The following HEPHL1 variants were observed in gnomAD, a reference collection of about 807,000 sequenced individuals.
HEPHL1 encodes hephaestin like 1.
In HEPHL1, 123 loss-of-function variants were observed where a neutral mutation model predicts 122.0. The ratio of observed to expected loss-of-function variants is 1.01; its 90% CI spans 0.87 to 1.17. HEPHL1 has a LOEUF of 1.17. Among genes scored for constraint, HEPHL1 ranks in the 50% most tolerant of loss-of-function variants. The pLI is 0.00. For missense variants in HEPHL1, 1,452 were observed against 1,430.5 expected (o/e 1.01, Z -0.24); for synonymous variants, 527 against 508.9 (o/e 1.04, Z -0.48).
intron 1 of HEPHL1, among the ~76,000 whole-genome samples, chr11:94,032,420 AC>A (rs1176562949): frequency 6.6e-6 from 1 of 152,160 alleles, no homozygotes; most frequent in African/African-American, 2.4e-5. Context: ...AGTGATAATC[AC>A]TTTTTAGCTT....
At chr11:94,032,516 A>T (rs187104048) in intron 1 of HEPHL1, among the ~76,000 whole-genome samples, 350 of 152,256 alleles carry the variant, frequency 2.3e-3, no homozygotes, top group Non-Finnish European at 3.9e-3. Context: ...AAATTAGAAA[A>T]TGTCAAGGTG....
chr11:94,069,172 C>T (rs16919902), intron 5 of HEPHL1, among the ~76,000 whole-genome samples: 11,300 of 152,130 alleles, frequency 0.074, 1,067 homozygotes, highest in African/African-American at 0.21. Context: ...TAAATTAGCC[C>T]GATAGTTGTG....
intron 1 of HEPHL1, among the ~76,000 whole-genome samples, chr11:94,036,981 C>G (rs1020026210): frequency 2.4e-4 from 36 of 152,292 alleles, no homozygotes; most frequent in African/African-American, 8.2e-4. Flanking sequence ...CTAGGGAGTG[C>G]CAGACAGTGG....
chr11:94,102,492 C>A (rs1946375541), intron 14 of HEPHL1, among the ~76,000 whole-genome samples: 1 of 152,176 alleles, frequency 6.6e-6, no homozygotes, highest in Admixed American at 6.5e-5. Flanking sequence ...ATTTCACTGT[C>A]TGGGGTGAGG....
rs11271749 is a variant in HEPHL1 at position 94,042,883 on chromosome 11, A to AAAAAACAAAC, written c.171-2785_171-2784insCAAACAAAAA. Among the ~76,000 whole-genome samples, 1,037 of 132,410 alleles carry AAAAAACAAAC rather than the reference A, an allele frequency of 7.8e-3. 28 individuals carry two copies. Among genetic ancestry groups the AAAAAACAAAC allele is most frequent in the African/African-American group, 0.028 (987 of 35,500 alleles). 86.9% of individuals were successfully genotyped at this position (132,410 alleles called of 152,430 possible). A position where few individuals can be genotyped will look rare whatever the true frequency, so the allele number is the denominator to read the frequency against. On this transcript the variant is annotated intron_variant, in intron 1 of 19. Transcript: ENST00000315765. ...TAAAACTTAAAGTATAATAAAAAAA[A>AAAAAACAAAC]AAAAAAAAAACTGCATGAATTGCTC...
chr11:94,087,899 C>T (rs1236507993), intron 11 of HEPHL1, among the ~76,000 whole-genome samples: 2 of 152,128 alleles, frequency 1.3e-5, no homozygotes, highest in Non-Finnish European at 2.9e-5. Context: ...ATAGAGGATA[C>T]CTCTGTACAT....
chr11:94,071,263 A>T (rs1447522766), intron 6 of HEPHL1, among the ~76,000 whole-genome samples: 1 of 152,102 alleles, frequency 6.6e-6, no homozygotes, highest in Non-Finnish European at 1.5e-5. Context: ...CCTTTTTTAT[A>T]TTTAAGGGAA....
chr11:94,026,476 T>A (rs1945626227), intron 1 of HEPHL1, among the ~76,000 whole-genome samples: 1 of 152,216 alleles, frequency 6.6e-6, no homozygotes, highest in African/African-American at 2.4e-5. Context: ...CTCAGTTCTC[T>A]CCTGTTTTCC....
chr11:94,060,661 A>G (rs1456060940), intron 2 of HEPHL1, among the ~76,000 whole-genome samples: 3 of 152,158 alleles, frequency 2.0e-5, no homozygotes, highest in Non-Finnish European at 4.4e-5. Context: ...GAGCTTAACC[A>G]GTGGCTCTAC....
intron 10 of HEPHL1, among the ~76,000 whole-genome samples, chr11:94,083,303 C>T (rs995014200): frequency 4.6e-5 from 7 of 152,148 alleles, no homozygotes; most frequent in Non-Finnish European, 7.3e-5. Context: ...ATTTGTGAAA[C>T]ACTAGCTGTT....
intron 2 of HEPHL1, among the ~76,000 whole-genome samples, chr11:94,050,818 C>T (rs558813341): frequency 5.9e-5 from 9 of 152,144 alleles, no homozygotes; most frequent in Non-Finnish European, 1.2e-4. Flanking sequence ...TCCCACCTTT[C>T]CACTACCCTT....
At chr11:94,042,882 A>AAAAACAACAAAAAACAAAC (rs1555058756) in intron 1 of HEPHL1, among the ~76,000 whole-genome samples, 2 of 136,838 alleles carry the variant, frequency 1.5e-5, no homozygotes, top group African/African-American at 5.5e-5. Flanking sequence ...TAATAAAAAA[A>AAAAACAACAAAAAACAAAC]AAAAAAAAAA....
intron 1 of HEPHL1, among the ~76,000 whole-genome samples, chr11:94,027,467 C>A (rs1945635849): frequency 6.6e-6 from 1 of 152,168 alleles, no homozygotes; most frequent in Non-Finnish European, 1.5e-5. Context: ...GGGGGAAAGA[C>A]CTTGGCTGGT....
At position 94,104,547 on chromosome 11, in the gene HEPHL1, T is replaced by C; in HGVS notation, c.2702T>C (p.Met901Thr). Residue 901 changes from methionine (M) to threonine (T), a missense_variant, in exon 16 of 20, where the codon ATG (methionine) becomes ACG (threonine). Coordinates refer to ENST00000315765, the MANE Select transcript of HEPHL1 (RefSeq NM_001098672.2). Reference sequence around the variant, plus strand: ...TTCCAGGATACGTATAGTGGTTTGATGGGTCCTCTGATTACATGCCGAAAA... The same window carrying C: ...TTCCAGGATACGTATAGTGGTTTGACGGGTCCTCTGATTACATGCCGAAAA... The part of the protein sequence containing the change: ...NFVKDTYSGL[M>T]GPLITCRKGV... 1.2e-6 allele frequency: 2 copies of C among 1,613,118 alleles called. No individual in the cohort carries two copies. The highest frequency in any genetic ancestry group is 1.3e-5 in the African/African-American group (1 of 75,020).
At chr11:94,083,083 TA>T (rs35037205) in intron 10 of HEPHL1, among the ~76,000 whole-genome samples, 160 of 142,208 alleles carry the variant, frequency 1.1e-3, no homozygotes, top group Middle Eastern at 7.5e-3. Flanking sequence ...AGACTCCGTC[TA>T]AAAAAAAAAA....
intron 9 of HEPHL1, among the ~76,000 whole-genome samples, chr11:94,078,463 A>ATC: frequency 2.1e-5 from 1 of 48,736 alleles, no homozygotes; most frequent in Non-Finnish European, 5.1e-5. Context: ...ATATATATAT[A>ATC]TATATATATA....
intron 1 of HEPHL1, among the ~76,000 whole-genome samples, chr11:94,024,263 A>G (rs1945605608): frequency 6.6e-6 from 1 of 152,196 alleles, no homozygotes; most frequent in South Asian, 2.1e-4. Flanking sequence ...GCTCTGCCCA[A>G]CTTGCTGTGT....
chr11:94,023,138 C>T lies in HEPHL1; in HGVS notation c.170+1600C>T, dbSNP rs113344507. Among the ~76,000 whole-genome samples the T allele has an allele frequency of 4.7e-3, 722 of 152,174 alleles. 4 individuals carry two copies. The highest frequency in any genetic ancestry group is 0.017 in the African/African-American group (688 of 41,524). ...CAAGGCTCTGAGGTTAAATACTTGC[C>T]GGAGTTTATAAGTAAGTGGTAGCAC... On this transcript the variant is annotated intron_variant, in intron 1 of 19. Coordinates refer to ENST00000315765, the MANE Select transcript of HEPHL1 (RefSeq NM_001098672.2).
chr11:94,064,200 T>A, intron 3 of HEPHL1, 131 bp from the exon 4 acceptor site: 1 of 610,270 alleles, frequency 1.6e-6, no homozygotes. Context: ...CTTTTGCTGA[T>A]TTTATATGGT....
Sources: gnomAD v4.1 joint callset for allele counts (sites outside exome capture counted in the v4.1 genomes callset) on GRCh38, gnomAD v4.1.1 for gene constraint, MANE v1.5 for transcripts, NCBI Gene and HGNC (gene_info 2026-07-23, HGNC 2026-07-21) for gene names.